Variants in RIOK3 observed in about 807,000 individuals in gnomAD.
RIOK3 encodes the protein RIO kinase 3, also known as serine/threonine-protein kinase RIO3.
Under a neutral mutation model 63.5 loss-of-function variants are expected in RIOK3, and 40 were observed. That is an observed-to-expected ratio of 0.63 (90% CI 0.49 to 0.82). RIOK3 has a LOEUF of 0.82. Among genes scored for constraint, RIOK3 ranks in the 40% least tolerant of loss-of-function variants. The pLI, the probability that RIOK3 is intolerant of heterozygous loss-of-function variation, is 0.00. For synonymous variants in RIOK3, 193 were observed against 205.0 expected, an observed-to-expected ratio of 0.94 and a Z score of 0.50; for missense variants, 557 against 637.0, an observed-to-expected ratio of 0.87 and a Z score of 1.35.
intron 8 of RIOK3, among the ~76,000 whole-genome samples, chr18:23,473,880 A>C (rs1348321182): frequency 1.3e-5 from 2 of 152,212 alleles, no homozygotes; most frequent in Non-Finnish European, 2.9e-5. Context: ...TGCTTTTATC[A>C]CGAAGTAAAA....
At chr18:23,479,183 C>CTGTG (rs45523933) in intron 11 of RIOK3, 134 bp from the exon 12 acceptor site, 64 of 524,146 alleles carry the variant, frequency 1.2e-4, no homozygotes, top group Middle Eastern at 4.8e-4. Flanking sequence ...GTTGAAATTA[C>CTGTG]TGTGTGTGTG....
chr18:23,479,902 G>C (rs12373447), intron 12 of RIOK3, among the ~76,000 whole-genome samples: 7 of 151,928 alleles, frequency 4.6e-5, no homozygotes, highest in Non-Finnish European at 7.4e-5. Context: ...TTAAAATTCA[G>C]AATACACACA....
intron 1 of RIOK3, among the ~76,000 whole-genome samples, chr18:23,456,088 G>A (rs757095862): frequency 7.2e-5 from 11 of 151,838 alleles, no homozygotes; most frequent in South Asian, 2.1e-4. Context: ...GAGCCACCGC[G>A]CCCAGCCAAT....
chr18:23,482,668 T>C lies in RIOK3; in HGVS notation c.*1389T>C, dbSNP rs2145711689. ...ATATTGGCTTTGTTAGGATTAAAGT[T>C]CATTAACTTCAATGTAATCATGCCT... On this transcript the variant is annotated 3_prime_UTR_variant, in exon 13 of 13. Transcript: ENST00000339486. 1 of 152,340 alleles carries C rather than the reference T, an allele frequency of 6.6e-6. No homozygotes were observed. Among genetic ancestry groups the C allele is most frequent in the Non-Finnish European group, 1.5e-5 (1 of 68,038 alleles). 9.4% of individuals were successfully genotyped at this position (152,340 alleles called of 1,614,324 possible). A position where few individuals can be genotyped will look rare whatever the true frequency, so the allele number is the denominator to read the frequency against.
At chr18:23,455,965 T>G (rs1040594745) in intron 1 of RIOK3, among the ~76,000 whole-genome samples, 1 of 151,982 alleles carries the variant, frequency 6.6e-6, no homozygotes, top group Admixed American at 6.6e-5. Context: ...GCCCAGCTAA[T>G]TTTTATATTT....
chr18:23,462,106 T>G (rs1000237685), intron 1 of RIOK3, among the ~76,000 whole-genome samples: 1 of 116,850 alleles, frequency 8.6e-6, no homozygotes. Flanking sequence ...AAAAAAGAAA[T>G]AAAATTTAAA....
At chr18:23,480,077 G>T (rs559015412) in intron 12 of RIOK3, among the ~76,000 whole-genome samples, 2 of 152,260 alleles carry the variant, frequency 1.3e-5, no homozygotes, top group African/African-American at 4.8e-5. Flanking sequence ...AACATAGAAA[G>T]TTAGAAGTGC....
intron 1 of RIOK3, among the ~76,000 whole-genome samples, chr18:23,460,658 T>TA (rs143016572): frequency 0.026 from 4,024 of 152,320 alleles, 59 homozygotes; most frequent in Middle Eastern, 0.061. Flanking sequence ...AATTCTGAGT[T>TA]AGACAGTCAC....
intron 7 of RIOK3, among the ~76,000 whole-genome samples, chr18:23,469,428 C>CT (rs2057440370): frequency 7.5e-6 from 1 of 132,964 alleles, no homozygotes; most frequent in Non-Finnish European, 1.6e-5. Context: ...CTCTCTCTCT[C>CT]TCCCTCTCCT....
chr18:23,467,561 A>G, intron 7 of RIOK3, 35 bp downstream of exon 7: 2 of 1,594,994 alleles, frequency 1.3e-6, no homozygotes, highest in South Asian at 1.1e-5. Flanking sequence ...TGATATGAAA[A>G]CTTAGTCTCT....
chr18:23,468,152 C>T (rs1248861376), intron 7 of RIOK3, among the ~76,000 whole-genome samples: 1 of 152,070 alleles, frequency 6.6e-6, no homozygotes, highest in African/African-American at 2.4e-5. Flanking sequence ...AAAGTAACAT[C>T]TTGGTATTTT....
At chr18:23,468,564 A>G (rs1404950547) in intron 7 of RIOK3, among the ~76,000 whole-genome samples, 1 of 152,048 alleles carries the variant, frequency 6.6e-6, no homozygotes, top group African/African-American at 2.4e-5. Flanking sequence ...TGGCCTCCCA[A>G]AGTGCCAAGA....
At chr18:23,453,531 G>A (rs966993026) in intron 1 of RIOK3, 29 bp downstream of exon 1, 5 of 1,567,012 alleles carry the variant, frequency 3.2e-6, no homozygotes, top group East Asian at 2.2e-5. Context: ...TGGAGTACTA[G>A]CCTTGGTCAC....
At chr18:23,471,120 C>T (rs1269730600) in intron 7 of RIOK3, among the ~76,000 whole-genome samples, 4 of 152,336 alleles carry the variant, frequency 2.6e-5, no homozygotes, top group Middle Eastern at 3.4e-3. Flanking sequence ...CCCCCATCCT[C>T]AACCCCTCTC....
At chr18:23,463,292 G>A (rs991934758) in intron 2 of RIOK3, 61 of 407,738 alleles carry the variant, frequency 1.5e-4, no homozygotes, top group Non-Finnish European at 2.5e-4. Context: ...TAGTTATATC[G>A]CGTTAATGCT....
chr18:23,480,592 T>G (rs3081705), intron 12 of RIOK3, among the ~76,000 whole-genome samples: 2 of 111,670 alleles, frequency 1.8e-5, no homozygotes, highest in Non-Finnish European at 3.7e-5. Context: ...CACACACACA[T>G]AGTAATTTCA....
chr18:23,471,040 A>G (rs918303180), intron 7 of RIOK3, among the ~76,000 whole-genome samples: 1 of 152,176 alleles, frequency 6.6e-6, no homozygotes, highest in African/African-American at 2.4e-5. Flanking sequence ...AGTACCAGGT[A>G]CTCTTCCAGG....
rs374386975 is a variant in RIOK3 at position 23,477,275 on chromosome 18, G to A, written c.1344+7G>A. The A allele has an allele frequency of 1.4e-5, 23 of 1,610,666 alleles. No homozygotes were observed. The highest frequency in any genetic ancestry group is 2.7e-5 in the African/African-American group (2 of 74,854). On this transcript the variant is annotated splice_region_variant and intron_variant, in intron 11 of 12. Transcript: ENST00000339486. The stretch of plus-strand genomic sequence containing the variant: ...CTGCAGGAATGTCTCGCAGGTAGAC[G>A]TGTAAACCAATATGCCTTTTTTTGT...
At chr18:23,469,304 CCTCTCTCTCTCTCT>C (rs376929343) in intron 7 of RIOK3, among the ~76,000 whole-genome samples, 47 of 19,406 alleles carry the variant, frequency 2.4e-3, no homozygotes, top group African/African-American at 8.0e-3. Flanking sequence ...TTTCTTTCTT[CCTCTCTCTCTCTCT>C]CTCTCTCTCT....
Sources: gnomAD v4.1 joint callset for allele counts (sites outside exome capture counted in the v4.1 genomes callset) on GRCh38, gnomAD v4.1.1 for gene constraint, MANE v1.5 for transcripts, NCBI Gene and HGNC (gene_info 2026-07-23, HGNC 2026-07-21) for gene names.